Variants in PARD3 observed in about 807,000 individuals in gnomAD.
PARD3 encodes the protein par-3 family cell polarity regulator.
Under a neutral mutation model 155.4 loss-of-function variants are expected in PARD3, and 75 were observed. The observed-to-expected ratio is 0.48, with a 90% CI of 0.40 to 0.58. The LOEUF is 0.58. Among genes scored for constraint, PARD3 ranks in the 20% least tolerant of loss-of-function variants. The pLI, the probability that PARD3 is intolerant of heterozygous loss-of-function variation, is 0.00. For synonymous variants in PARD3, 576 were observed against 610.5 expected, an observed-to-expected ratio of 0.94 and a Z score of 0.83; for missense variants, 1,642 against 1,721.7, an observed-to-expected ratio of 0.95 and a Z score of 0.82.
chr10:34,244,124 G>A (rs1044421473), intron 22 of PARD3, among the ~76,000 whole-genome samples: 17 of 152,080 alleles, frequency 1.1e-4, no homozygotes, highest in African/African-American at 4.1e-4. Context: ...GATAAATGTG[G>A]TAATAAGCTT....
chr10:34,805,566 TAC>T lies in PARD3; in HGVS notation c.120+9308_120+9309del, dbSNP rs68146105. On this transcript the variant is annotated intron_variant, in intron 1 of 24. Transcript: ENST00000374788. ...GCATATATATATATATATATATATA[TAC>T]ACCGTACAGTTCGTATCATGCAATA... is the stretch of plus-strand genomic sequence containing the variant. 2.8e-3 allele frequency among the ~76,000 whole-genome samples: 386 copies of T among 139,898 alleles called. 1 individual carries two copies. Among genetic ancestry groups the T allele is most frequent in the African/African-American group, 6.0e-3 (220 of 36,840 alleles). 91.8% of individuals were successfully genotyped at this position (139,898 alleles called of 152,430 possible).
intron 1 of PARD3, among the ~76,000 whole-genome samples, chr10:34,709,135 T>C (rs985304584): frequency 1.3e-5 from 2 of 152,156 alleles, no homozygotes; most frequent in East Asian, 3.8e-4. Flanking sequence ...TTTTGGAATA[T>C]TTACATGCAC....
chr10:34,553,098 C>G (rs1198637824), intron 2 of PARD3, among the ~76,000 whole-genome samples: 1 of 152,158 alleles, frequency 6.6e-6, no homozygotes, highest in Non-Finnish European at 1.5e-5. Context: ...GACATCCTGG[C>G]AGAGACTTAG....
At chr10:34,247,902 T>TA (rs1403897780) in intron 22 of PARD3, among the ~76,000 whole-genome samples, 7 of 152,238 alleles carry the variant, frequency 4.6e-5, no homozygotes, top group Non-Finnish European at 1.0e-4. Context: ...TCCCATTTTT[T>TA]ACGTTCAAGT....
chr10:34,721,084 T>C (rs140819742), intron 1 of PARD3, among the ~76,000 whole-genome samples: 1 of 152,314 alleles, frequency 6.6e-6, no homozygotes, highest in African/African-American at 2.4e-5. Flanking sequence ...GAATGGTGAC[T>C]CGTTTGTTCT....
intron 1 of PARD3, among the ~76,000 whole-genome samples, chr10:34,791,392 T>A (rs1392027968): frequency 6.6e-6 from 1 of 151,978 alleles, no homozygotes; most frequent in East Asian, 1.9e-4. Flanking sequence ...GTGGGCAGCG[T>A]CATCACCAAG....
At chr10:34,632,775 T>A (rs571100933) in intron 2 of PARD3, among the ~76,000 whole-genome samples, 3 of 152,336 alleles carry the variant, frequency 2.0e-5, no homozygotes, top group East Asian at 3.9e-4. Context: ...AAGTCTTACC[T>A]TCATCAAAGC....
rs572571445 is a variant in PARD3 at position 34,451,047 on chromosome 10, T to C, written c.583-599A>G. Among the ~76,000 whole-genome samples, 9 of 152,294 alleles carry C rather than the reference T, an allele frequency of 5.9e-5. No individual in the cohort carries two copies. In the South Asian group the frequency reaches 1.2e-3, roughly 21 times the overall value. ...TGGCCTATCACTATTATTTGTTACA[T>C]AACAGATACGTAATTGTTCACTGTG... is the stretch of plus-strand genomic sequence containing the variant. On this transcript the variant is annotated intron_variant, in intron 4 of 24. Coordinates refer to ENST00000374788, the MANE Select transcript of PARD3 (RefSeq NM_001184785.2).
rs373762918 is a variant in PARD3, at chr10:34,604,100, C to T, written c.223-86941G>A. 6.6e-5 allele frequency among the ~76,000 whole-genome samples: 10 copies of T among 152,142 alleles called. No individual in the cohort carries two copies. In the East Asian group the frequency reaches 9.6e-4, roughly 15 times the overall value. On this transcript the variant is annotated intron_variant, in intron 2 of 24. Transcript: ENST00000374788. The stretch of plus-strand genomic sequence containing the variant: ...GGGACCAAAAGCAAGGGCAAATGTC[C>T]GAGTGAAACAAACTGCAACCCATCA...
At chr10:34,648,965 T>A (rs2092926216) in intron 2 of PARD3, among the ~76,000 whole-genome samples, 3 of 152,160 alleles carry the variant, frequency 2.0e-5, no homozygotes, top group Admixed American at 2.0e-4. Flanking sequence ...TCATCAGTTT[T>A]AAATATGGCT....
At chr10:34,570,382 T>C (rs1054708553) in intron 2 of PARD3, among the ~76,000 whole-genome samples, 6 of 152,254 alleles carry the variant, frequency 3.9e-5, no homozygotes, top group Non-Finnish European at 8.8e-5. Context: ...CACACTAATA[T>C]ATTCTTACTA....
chr10:34,730,924 T>C (rs1224429922), intron 1 of PARD3, among the ~76,000 whole-genome samples: 1 of 152,256 alleles, frequency 6.6e-6, no homozygotes, highest in Non-Finnish European at 1.5e-5. Context: ...TTCATTTCTC[T>C]TGTGAAATTC....
intron 2 of PARD3, among the ~76,000 whole-genome samples, chr10:34,581,813 C>T (rs1240464481): frequency 2.6e-5 from 4 of 152,092 alleles, no homozygotes; most frequent in South Asian, 4.1e-4. Flanking sequence ...GGATTTCATT[C>T]GTGGTGGATG....
chr10:34,258,075 C>T (rs1041838238), intron 22 of PARD3, among the ~76,000 whole-genome samples: 1 of 152,110 alleles, frequency 6.6e-6, no homozygotes, highest in African/African-American at 2.4e-5. Flanking sequence ...TGATGTGAAC[C>T]AATATGACAC....
intron 2 of PARD3, among the ~76,000 whole-genome samples, chr10:34,529,722 G>T (rs1253698322): frequency 6.7e-6 from 1 of 150,206 alleles, no homozygotes; most frequent in African/African-American, 2.4e-5. Context: ...ATAAGGCAAA[G>T]AATATATTTT....
intron 2 of PARD3, among the ~76,000 whole-genome samples, chr10:34,588,247 T>A (rs2088292299): frequency 6.6e-6 from 1 of 152,214 alleles, no homozygotes; most frequent in Non-Finnish European, 1.5e-5. Context: ...TGTCCTGTTT[T>A]TCAGAAACCT....
intron 2 of PARD3, among the ~76,000 whole-genome samples, chr10:34,665,276 C>A (rs1245164970): frequency 6.6e-6 from 1 of 151,860 alleles, no homozygotes; most frequent in Non-Finnish European, 1.5e-5. Flanking sequence ...CTTTGGGAGG[C>A]CGAGGCAGGT....
At chr10:34,553,162 C>T (rs1040257210) in intron 2 of PARD3, among the ~76,000 whole-genome samples, 4 of 152,136 alleles carry the variant, frequency 2.6e-5, no homozygotes, top group African/African-American at 9.7e-5. Flanking sequence ...TAGTCTCCTC[C>T]ATGGTCAGCA....
chr10:34,527,399 T>G (rs916420797), intron 2 of PARD3, among the ~76,000 whole-genome samples: 2 of 152,128 alleles, frequency 1.3e-5, no homozygotes, highest in African/African-American at 2.4e-5. Context: ...TGACTTAGCT[T>G]CCATCTAAAA....
Sources: gnomAD v4.1 joint callset for allele counts (sites outside exome capture counted in the v4.1 genomes callset) on GRCh38, gnomAD v4.1.1 for gene constraint, MANE v1.5 for transcripts, NCBI Gene and HGNC (gene_info 2026-07-23, HGNC 2026-07-21) for gene names.